ROBO2: variants seen among roughly 807,000 people sequenced by gnomAD.
ROBO2 encodes roundabout homolog 2.
Under a neutral mutation model 160.8 loss-of-function variants are expected in ROBO2, and 53 were observed. The ratio of observed to expected loss-of-function variants is 0.33; its 90% CI spans 0.26 to 0.41. The LOEUF is 0.41. Among genes scored for constraint, ROBO2 ranks in the 10% least tolerant of loss-of-function variants. The pLI is 1.00. For synonymous variants in ROBO2, 664 were observed against 611.7 expected, an observed-to-expected ratio of 1.09 and a Z score of -1.26; for missense variants, 1,577 against 1,722.4, an observed-to-expected ratio of 0.92 and a Z score of 1.49.
chr3:76,646,210 G>C (rs959316960), intron 2 of ROBO2, among the ~76,000 whole-genome samples: 2 of 152,174 alleles, frequency 1.3e-5, no homozygotes, highest in South Asian at 2.1e-4. Flanking sequence ...TTGTAGTCCT[G>C]GGAAAGCCTG....
chr3:76,207,627 A>G (rs1015869768), intron 2 of ROBO2, among the ~76,000 whole-genome samples: 1 of 152,200 alleles, frequency 6.6e-6, no homozygotes, highest in Non-Finnish European at 1.5e-5. Flanking sequence ...GGGAAAATAG[A>G]TGGATTAGAC....
chr3:76,252,915 T>A (rs1458148912), intron 2 of ROBO2, among the ~76,000 whole-genome samples: 1 of 151,966 alleles, frequency 6.6e-6, no homozygotes, highest in Non-Finnish European at 1.5e-5. Flanking sequence ...TAGTGCTGTA[T>A]TATTGAAGCA....
intron 2 of ROBO2, among the ~76,000 whole-genome samples, chr3:77,157,022 G>A (rs2078072077): frequency 6.6e-6 from 1 of 151,996 alleles, no homozygotes; most frequent in Non-Finnish European, 1.5e-5. Context: ...CTCTGGGATG[G>A]AGCCCAGTAA....
intron 2 of ROBO2, among the ~76,000 whole-genome samples, chr3:76,693,343 A>G (rs2092852563): frequency 6.6e-6 from 1 of 150,892 alleles, no homozygotes; most frequent in African/African-American, 2.4e-5. Flanking sequence ...ATCCCTATAT[A>G]TATTTAGCAT....
intron 2 of ROBO2, among the ~76,000 whole-genome samples, chr3:76,484,805 A>G (rs1329957613): frequency 6.6e-6 from 1 of 152,130 alleles, no homozygotes; most frequent in African/African-American, 2.4e-5. Context: ...TATCTAATTT[A>G]GTGAAAATTT....
At chr3:76,622,243 A>G (rs55902092) in intron 2 of ROBO2, among the ~76,000 whole-genome samples, 603 of 36,100 alleles carry the variant, frequency 0.017, 12 homozygotes, top group African/African-American at 0.031. Context: ...AGGAAGAAAG[A>G]AAGAAAGAAA....
chr3:77,133,070 A>C (rs569258480), intron 2 of ROBO2, among the ~76,000 whole-genome samples: 16 of 152,172 alleles, frequency 1.1e-4, no homozygotes, highest in Non-Finnish European at 2.4e-4. Flanking sequence ...GCTTCTTATA[A>C]TCTTCAATAC....
chr3:76,243,875 A>C (rs780461909), intron 2 of ROBO2, among the ~76,000 whole-genome samples: 3 of 152,234 alleles, frequency 2.0e-5, no homozygotes, highest in Non-Finnish European at 4.4e-5. Context: ...GTGTTTATTC[A>C]TACAGTATAG....
At chr3:77,574,709 A>G in exon 14 of ROBO2, 1 of 1,612,830 alleles carries the variant, frequency 6.2e-7, no homozygotes, top group Non-Finnish European at 8.5e-7. Context: ...TGAATCTAAA[A>G]CGGTTCGTAC....
At chr3:76,893,395 T>C (rs568800120) in intron 2 of ROBO2, among the ~76,000 whole-genome samples, 14 of 152,092 alleles carry the variant, frequency 9.2e-5, no homozygotes, top group South Asian at 4.2e-4. Flanking sequence ...TTTTAGATCA[T>C]TGGGGAAGAG....
chr3:77,102,880 A>G (rs938964802), intron 2 of ROBO2, among the ~76,000 whole-genome samples: 5 of 152,000 alleles, frequency 3.3e-5, no homozygotes, highest in Admixed American at 2.0e-4. Context: ...GCTATCCAGA[A>G]AGTGTTTTTT....
chr3:77,110,758 A>G (rs2073473823), intron 2 of ROBO2, among the ~76,000 whole-genome samples: 1 of 151,776 alleles, frequency 6.6e-6, no homozygotes, highest in East Asian at 1.9e-4. Context: ...CAGTGGCGTG[A>G]TCACAGCACA....
rs778543289 is a variant in ROBO2 at position 76,916,531 on chromosome 3, T to C, written c.110-181483T>C. Reference sequence around the variant, plus strand: ...TAATTTTTTTATTGTTATTTTTTTGTAGAGACACGGTCTCATTTTGTTACG... The same window carrying C: ...TAATTTTTTTATTGTTATTTTTTTGCAGAGACACGGTCTCATTTTGTTACG... On this transcript the variant is annotated intron_variant, in intron 2 of 26. Transcript: ENST00000487694. Among the ~76,000 whole-genome samples, 14 of 127,958 alleles carry C rather than the reference T, an allele frequency of 1.1e-4. 1 individual carries two copies. The highest frequency in any genetic ancestry group is 2.6e-4 in the Non-Finnish European group (14 of 54,718). The allele number at this position is 127,958 out of a possible 152,430, so 83.9% of individuals were successfully genotyped here.
intron 1 of ROBO2, among the ~76,000 whole-genome samples, chr3:77,046,400 G>A (rs774928550): frequency 3.9e-5 from 6 of 152,068 alleles, no homozygotes; most frequent in Admixed American, 6.6e-5. Context: ...CAGTTGCCTC[G>A]TAAAACTTTA....
At chr3:77,562,602 C>A in intron 9 of ROBO2, 49 bp from the exon 11 acceptor site, 1 of 1,324,836 alleles carries the variant, frequency 7.5e-7, no homozygotes, top group Non-Finnish European at 1.1e-6. Context: ...AGTAATTATT[C>A]TGCAAATTGA....
At chr3:77,489,048 C>T (rs2085735443) in intron 4 of ROBO2, among the ~76,000 whole-genome samples, 1 of 152,192 alleles carries the variant, frequency 6.6e-6, no homozygotes, top group East Asian at 1.9e-4. Context: ...ATGAATAACA[C>T]AGTTTAGAGA....
intron 2 of ROBO2, among the ~76,000 whole-genome samples, chr3:77,178,654 C>A (rs1411511708): frequency 1.3e-5 from 2 of 151,872 alleles, no homozygotes; most frequent in Admixed American, 1.3e-4. Flanking sequence ...AAATTTTATA[C>A]CCCCCACAGT....
intron 2 of ROBO2, among the ~76,000 whole-genome samples, chr3:77,453,085 G>A (rs1428645876): frequency 6.6e-6 from 1 of 151,944 alleles, no homozygotes; most frequent in African/African-American, 2.4e-5. Context: ...ACTCAACATT[G>A]CCATTTAAAA....
At chr3:77,303,463 T>TA (rs769179051) in intron 2 of ROBO2, among the ~76,000 whole-genome samples, 1 of 152,180 alleles carries the variant, frequency 6.6e-6, no homozygotes, top group Non-Finnish European at 1.5e-5. Flanking sequence ...TCTGTGTTCA[T>TA]AACAGAGTGA....
Sources: allele counts gnomAD v4.1 joint callset (sites outside exome capture counted in the v4.1 genomes callset), GRCh38; gene constraint gnomAD v4.1.1; transcripts MANE v1.5; gene names NCBI Gene and HGNC (gene_info 2026-07-23, HGNC 2026-07-21).